Variants in ZNF718 observed in about 807,000 individuals in gnomAD.
The protein encoded by ZNF718 is zinc finger protein 718.
A neutral mutation model predicts 2.6 loss-of-function variants in ZNF718; 3 were observed. The ratio of observed to expected loss-of-function variants is 1.16; its 90% CI spans 0.53 to 3.01. The LOEUF (loss-of-function observed/expected upper bound fraction) is 3.01. Among genes scored for constraint, ZNF718 ranks in the 30% most tolerant of loss-of-function variants. The pLI, the probability that ZNF718 is intolerant of heterozygous loss-of-function variation, is 0.03. For missense variants in ZNF718, 468 were observed against 230.0 expected, an observed-to-expected ratio of 2.03 and a Z score of -6.69; for synonymous variants, 135 against 77.9, an observed-to-expected ratio of 1.73 and a Z score of -3.86.
intron 3 of ZNF718, among the ~76,000 whole-genome samples, chr4:145,278 CAGTTAGT>C (rs1716000128): frequency 6.6e-6 from 1 of 152,080 alleles, no homozygotes; most frequent in Non-Finnish European, 1.5e-5. Context: ...GTTTTCTGAC[CAGTTAGT>C]AGTTTCTGTG....
intron 3 of ZNF718, among the ~76,000 whole-genome samples, chr4:196,115 G>T (rs1368547030): frequency 6.6e-6 from 1 of 151,758 alleles, no homozygotes; most frequent in African/African-American, 2.4e-5. Flanking sequence ...CTTAGACCCA[G>T]TTCCAGTTGT....
chr4:169,898 A>C (rs1170376920), intron 3 of ZNF718, among the ~76,000 whole-genome samples: 1 of 151,802 alleles, frequency 6.6e-6, no homozygotes, highest in Non-Finnish European at 1.5e-5. Context: ...TTATGATGTT[A>C]GCTGGTTATT....
In ZNF718 at chr4:130,788, GAACTCTT is replaced by G. The variant is rs1715331006; in HGVS notation, c.8_14del (p.Leu3HisfsTer7). 5.4e-6 allele frequency: 2 copies of G among 368,612 alleles called. 1 individual carries two copies. Among genetic ancestry groups the G allele is most frequent in the African/African-American group, 5.5e-5 (2 of 36,564 alleles). The allele number at this position is 368,612 out of a possible 1,614,324, so 22.8% of individuals were successfully genotyped here. On this transcript the variant is annotated frameshift_variant and splice_region_variant, in exon 2 of 4. Transcript: ENST00000510175. LOFTEE classifies it high-confidence loss of function. The stretch of plus-strand genomic sequence containing the variant: ...TCACTTGATAAATGTGTATTTTCAG[GAACTCTT>G]AACATTCAAGGATGTGGCCATAGAA...
chr4:195,919 T>C (rs1465688167), intron 3 of ZNF718, among the ~76,000 whole-genome samples: 2 of 152,136 alleles, frequency 1.3e-5, no homozygotes, highest in African/African-American at 4.8e-5. Context: ...ACTTTTTTCT[T>C]TACTACTTCT....
chr4:134,132 A>G (rs1393302906), intron 3 of ZNF718, among the ~76,000 whole-genome samples: 1 of 151,954 alleles, frequency 6.6e-6, no homozygotes, highest in Non-Finnish European at 1.5e-5. Context: ...TCAATGTTAA[A>G]GTTTTTTTGT....
At chr4:192,791 G>A (rs1432530646) in intron 3 of ZNF718, among the ~76,000 whole-genome samples, 4 of 152,130 alleles carry the variant, frequency 2.6e-5, no homozygotes, top group African/African-American at 9.7e-5. Flanking sequence ...TTACAGCTTC[G>A]ATTCTGGAAG....
At chr4:195,526 T>G (rs1483646116) in intron 3 of ZNF718, among the ~76,000 whole-genome samples, 2 of 152,220 alleles carry the variant, frequency 1.3e-5, no homozygotes, top group Non-Finnish European at 2.9e-5. Context: ...TTAAATCACC[T>G]TTTTCTAATA....
At chr4:168,864 C>T (rs1717159030), downstream of ZNF718, among the ~76,000 whole-genome samples, 1 of 152,182 alleles carries the variant, frequency 6.6e-6, no homozygotes. Flanking sequence ...CAATTCTGCT[C>T]TGATCTTAGT....
chr4:184,459 C>T lies in ZNF718; in HGVS notation c.227-16622C>T, dbSNP rs982546271. 3.9e-5 allele frequency among the ~76,000 whole-genome samples: 6 copies of T among 152,146 alleles called. 1 individual carries two copies. The highest frequency in any genetic ancestry group is 4.8e-5 in the African/African-American group (2 of 41,514). On this transcript the variant is annotated intron_variant and NMD_transcript_variant, in intron 3 of 4. Transcript: ENST00000642529. ...ATCCATGTTTATCAATAATATTGGCCTGAAGTTTTCTTTTTTTGTTGTTGT... is the reference window on the plus strand; with the variant it reads ...ATCCATGTTTATCAATAATATTGGCTTGAAGTTTTCTTTTTTTGTTGTTGT...
downstream of ZNF718, among the ~76,000 whole-genome samples, chr4:165,583 G>T (rs1457331891): frequency 2.6e-5 from 4 of 152,208 alleles, no homozygotes; most frequent in Non-Finnish European, 2.9e-5. Flanking sequence ...TGGATAACCT[G>T]AGGTCAGGAG....
chr4:129,940 T>TAGTA lies in ZNF718; in HGVS notation c.4-847_4-844dup, dbSNP rs1715311898. 1.9e-5 allele frequency among the ~76,000 whole-genome samples: 2 copies of TAGTA among 104,882 alleles called. 1 individual carries two copies. The highest frequency in any genetic ancestry group is 6.6e-5 in the African/African-American group (2 of 30,244). 68.8% of individuals were successfully genotyped at this position (104,882 alleles called of 152,430 possible). A position where few individuals can be genotyped will look rare whatever the true frequency, so the allele number is the denominator to read the frequency against. ...GCTCTATGGCATACTTCTGAGCACA[T>TAGTA]AGTACATGCTCTATAAAGATTGCAT... On this transcript the variant is annotated intron_variant, in intron 1 of 3. Transcript: ENST00000510175.
intron 3 of ZNF718, among the ~76,000 whole-genome samples, chr4:173,849 A>G (rs1340599542): frequency 6.6e-6 from 1 of 152,178 alleles, no homozygotes; most frequent in Non-Finnish European, 1.5e-5. Flanking sequence ...TATTTTACCT[A>G]ACAGTGCAGC....
chr4:129,558 A>G lies in ZNF718; in HGVS notation c.4-1230A>G. 2.9e-5 allele frequency among the ~76,000 whole-genome samples: 3 copies of G among 104,570 alleles called. 1 individual carries two copies. In the Middle Eastern group the frequency reaches 0.015, roughly 534 times the overall value. The allele number at this position is 104,570 out of a possible 152,430, so 68.6% of individuals were successfully genotyped here. ...GCAGATAAATGAGGAAAAGCAATAT[A>G]CTTTTGTGCCTTAAATTCTTTTTTA... On this transcript the variant is annotated intron_variant, in intron 1 of 3. Coordinates refer to ENST00000510175, the MANE Select transcript of ZNF718 (RefSeq NM_001039127.6).
chr4:167,184 G>T (rs1246407845), downstream of ZNF718, among the ~76,000 whole-genome samples: 1 of 151,896 alleles, frequency 6.6e-6, no homozygotes, highest in East Asian at 1.9e-4. Context: ...TATTTTTGAG[G>T]GCTCTGTTCT....
intron 3 of ZNF718, among the ~76,000 whole-genome samples, chr4:175,709 T>C (rs1401364106): frequency 2.0e-5 from 3 of 152,182 alleles, no homozygotes; most frequent in African/African-American, 7.2e-5. Context: ...GTCATAATAC[T>C]CTGCAGATTT....
chr4:169,184 G>A (rs1330852665), intron 3 of ZNF718, among the ~76,000 whole-genome samples: 2 of 152,182 alleles, frequency 1.3e-5, no homozygotes, highest in African/African-American at 2.4e-5. Context: ...TCTTAATCCT[G>A]AGTTCTAGTT....
chr4:190,459 C>T (rs1448352631), intron 3 of ZNF718, among the ~76,000 whole-genome samples: 1 of 147,634 alleles, frequency 6.8e-6, no homozygotes, highest in Non-Finnish European at 1.5e-5. Context: ...AGTTTTAAGT[C>T]AATATAATGA....
At chr4:199,942 C>G (rs889556519) in intron 3 of ZNF718, among the ~76,000 whole-genome samples, 1 of 152,082 alleles carries the variant, frequency 6.6e-6, no homozygotes, top group Non-Finnish European at 1.5e-5. Flanking sequence ...TAATAAAACA[C>G]AAGTCAAAGA....
intron 3 of ZNF718, among the ~76,000 whole-genome samples, chr4:135,155 T>G (rs1272463535): frequency 6.7e-6 from 1 of 149,284 alleles, no homozygotes; most frequent in African/African-American, 2.5e-5. Context: ...GGCAGGAGAA[T>G]CACTTGAACC....
Sources: allele counts gnomAD v4.1 joint callset (sites outside exome capture counted in the v4.1 genomes callset), GRCh38; gene constraint gnomAD v4.1.1; transcripts MANE v1.5; gene names NCBI Gene and HGNC (gene_info 2026-07-23, HGNC 2026-07-21).